FNDC8: variants seen among roughly 807,000 people sequenced by gnomAD.
The protein encoded by FNDC8 is fibronectin type III domain-containing protein 8.
A neutral mutation model predicts 24.8 loss-of-function variants in FNDC8; 23 were observed. The observed-to-expected ratio is 0.93, with a 90% CI of 0.67 to 1.31. FNDC8 has a LOEUF of 1.31. Among genes scored for constraint, FNDC8 ranks in the 40% most tolerant of loss-of-function variants. FNDC8 has a pLI of 0.00. For missense variants in FNDC8, 371 were observed against 398.2 expected (o/e 0.93, Z 0.58); for synonymous variants, 158 against 165.3 (o/e 0.96, Z 0.34).
At chr17:35,126,120 C>T (rs2091848335) in intron 1 of FNDC8, among the ~76,000 whole-genome samples, 1 of 152,120 alleles carries the variant, frequency 6.6e-6, no homozygotes, top group African/African-American at 2.4e-5. Flanking sequence ...CAAGGTTTCG[C>T]TATGTTGGCC....
chr17:35,129,572 A>C lies in FNDC8; in HGVS notation c.736A>C (p.Met246Leu), dbSNP rs918069635. Residue 246 changes from methionine to leucine, a missense_variant, in exon 3 of 4, where the codon ATG (methionine) becomes CTG (leucine). Transcript: ENST00000158009. ...NKILGTTVKLMELKPNTCYCL... is the reference protein window; with the variant it reads ...NKILGTTVKLLELKPNTCYCL... ...GATTTTGGGCACTACTGTCAAGCTG[A>C]TGGAGCTAAAGCCTAACACGTGTTA... 3 of 1,614,080 alleles carry C rather than the reference A, an allele frequency of 1.9e-6. No individual in the cohort carries two copies. Among genetic ancestry groups the C allele is most frequent in the Non-Finnish European group, 8.5e-7 (1 of 1,180,036 alleles).
chr17:35,127,159 C>T lies in FNDC8; in HGVS notation c.327C>T (p.Phe109=). The T allele has an allele frequency of 6.2e-7, 1 of 1,614,222 alleles. No individual in the cohort carries two copies. The highest frequency in any genetic ancestry group is 1.3e-5 in the African/African-American group (1 of 75,054). Residue 109 remains phenylalanine, a synonymous_variant, in exon 2 of 4, where the codon TTC becomes TTT. Transcript: ENST00000158009. ...KLAVTQPNSS[F]FAGMLEGELN... ...CTGTGACCCAGCCCAACAGCAGCTT[C>T]TTTGCAGGGATGCTGGAGGGGGAGC...
chr17:35,124,182 T>C (rs967611213), intron 1 of FNDC8, among the ~76,000 whole-genome samples: 1 of 152,140 alleles, frequency 6.6e-6, no homozygotes, highest in African/African-American at 2.4e-5. Context: ...AAACTGTGGA[T>C]TGTGACCTAT....
chr17:35,126,534 A>C (rs1597883296), intron 1 of FNDC8, among the ~76,000 whole-genome samples: 1 of 122,092 alleles, frequency 8.2e-6, no homozygotes, highest in African/African-American at 3.2e-5. Context: ...ATAGAGTTTC[A>C]CTCTGTCACC....
intron 3 of FNDC8, chr17:35,129,873 A>G: frequency 7.1e-7 from 1 of 1,416,060 alleles, no homozygotes; most frequent in Non-Finnish European, 9.2e-7. Context: ...AAACGAATGT[A>G]TTTTTCAACA....
chr17:35,121,919 G>T lies in FNDC8; in HGVS notation c.209+17G>T. On this transcript the variant is annotated intron_variant, in intron 1 of 3. Coordinates refer to ENST00000158009, the MANE Select transcript of FNDC8 (RefSeq NM_017559.4). ...CAACCTACTGTAAGTCACAAATCTG[G>T]TCCCTCCCTCCCTCCCTCCCTCCCT... 1 of 1,578,630 alleles carries T rather than the reference G, an allele frequency of 6.3e-7. No homozygotes were observed. Among genetic ancestry groups the T allele is most frequent in the African/African-American group, 1.4e-5 (1 of 71,350 alleles).
In FNDC8 at chr17:35,130,479, CCCAGGCCCTCAGAAA is replaced by C. The variant is rs1327841049; in HGVS notation, c.*50_*64del. On this transcript the variant is annotated 3_prime_UTR_variant, in exon 4 of 4. Transcript: ENST00000158009. ...CCCCTCACCTACTTTCAGCTTCAACCCCAGGCCCTCAGAAACCAGAGCCATGAGACCTACCATACC... is the reference window on the plus strand; with the variant it reads ...CCCCTCACCTACTTTCAGCTTCAACCCCAGAGCCATGAGACCTACCATACC... 3 of 1,585,448 alleles carry C rather than the reference CCCAGGCCCTCAGAAA, an allele frequency of 1.9e-6. No homozygotes were observed. The highest frequency in any genetic ancestry group is 2.6e-6 in the Non-Finnish European group (3 of 1,163,630).
chr17:35,124,127 T>C (rs1190584456), intron 1 of FNDC8, among the ~76,000 whole-genome samples: 1 of 152,114 alleles, frequency 6.6e-6, no homozygotes, highest in East Asian at 1.9e-4. Context: ...CTTGGCCCGT[T>C]CATCAACCAA....
intron 2 of FNDC8, chr17:35,128,762 G>T (rs2091859538): frequency 6.5e-6 from 1 of 154,526 alleles, no homozygotes; most frequent in Non-Finnish European, 1.4e-5. Flanking sequence ...TACATTTATT[G>T]TGTACTTTAT....
chr17:35,122,276 A>G (rs2091832935), intron 1 of FNDC8, among the ~76,000 whole-genome samples: 1 of 139,476 alleles, frequency 7.2e-6, no homozygotes, highest in Admixed American at 7.5e-5. Flanking sequence ...TTCCGGGCTC[A>G]AGCGATCCTC....
rs950287177 is a variant in FNDC8 at position 35,121,621 on chromosome 17, C to T, written c.-73C>T. 87 of 1,443,598 alleles carry T rather than the reference C, an allele frequency of 6.0e-5. No homozygotes were observed. In the East Asian group the frequency reaches 1.9e-3, roughly 31 times the overall value. The allele number at this position is 1,443,598 out of a possible 1,614,324, so 89.4% of individuals were successfully genotyped here. On this transcript the variant is annotated 5_prime_UTR_variant, in exon 1 of 4. Transcript: ENST00000158009. ...TCCAAACTAAAGGTGGGCCACTGCC[C>T]CCACAGTTTCTCTCTGCTTCTGGTC...
intron 1 of FNDC8, among the ~76,000 whole-genome samples, chr17:35,126,751 C>T (rs892331931): frequency 8.5e-5 from 13 of 152,136 alleles, no homozygotes; most frequent in Middle Eastern, 3.4e-3. Context: ...CTGCCTGCCT[C>T]GGCCTCCCAA....
At chr17:35,130,206 G>C in intron 3 of FNDC8, 76 bp from the exon 4 acceptor site, 1 of 1,544,766 alleles carries the variant, frequency 6.5e-7, no homozygotes, top group East Asian at 2.3e-5. Flanking sequence ...AGAAAAAAAA[G>C]GGGTGATAGA....
Position 35,127,054 on chromosome 17 carries a change from A to C in FNDC8, c.222A>C (p.Pro74=). 6.3e-7 allele frequency: 1 copy of C among 1,586,812 alleles called. No homozygotes were observed. The highest frequency in any genetic ancestry group is 8.6e-7 in the Non-Finnish European group (1 of 1,161,834). The change falls in exon 2 of 4, where the codon CCA becomes CCC. Residue 74 remains proline (P), a synonymous_variant. Transcript: ENST00000158009. ...CCTTTTGCTCCAGGAAGCCGCTGCC[A>C]GTAGAGGATTCAGACTGCAGCTCTG... The part of the protein sequence containing the change: ...DDTINLLKPL[P]VEDSDCSSDE...
intron 1 of FNDC8, among the ~76,000 whole-genome samples, chr17:35,125,056 AAAAAAAG>A (rs1350908217): frequency 1.4e-4 from 21 of 150,702 alleles, no homozygotes; most frequent in Middle Eastern, 3.4e-3. Flanking sequence ...TCAAAAAAAA[AAAAAAAG>A]AAAAAAGAGT....
intron 2 of FNDC8, 49 bp from the exon 3 acceptor site, chr17:35,129,373 G>A (rs376131937): frequency 1.1e-4 from 178 of 1,589,052 alleles, no homozygotes; most frequent in Admixed American, 1.9e-4. Context: ...GAAGGGACAG[G>A]AAGGACAGGA....
intron 2 of FNDC8, 122 bp from the exon 3 acceptor site, chr17:35,129,300 C>T: frequency 7.6e-7 from 1 of 1,314,382 alleles, no homozygotes; most frequent in Non-Finnish European, 1.1e-6. Context: ...TCCATCTGAC[C>T]TGCCTGGGCC....
rs1360394763 is a variant in FNDC8 at position 35,130,454 on chromosome 17, C to A, written c.*20C>A. 6.2e-7 allele frequency: 1 copy of A among 1,608,598 alleles called. No individual in the cohort carries two copies. On this transcript the variant is annotated 3_prime_UTR_variant, in exon 4 of 4. Coordinates refer to ENST00000158009, the MANE Select transcript of FNDC8 (RefSeq NM_017559.4). ...TGTTAAGGGGGAGGGCCCCAGGACA[C>A]CCCTCACCTACTTTCAGCTTCAACC...
At chr17:35,122,180 A>G (rs1197285194) in intron 1 of FNDC8, among the ~76,000 whole-genome samples, 1 of 26,610 alleles carries the variant, frequency 3.8e-5, no homozygotes, top group Non-Finnish European at 6.4e-5. Context: ...ATATATATAT[A>G]TATATATATA....
Sources: gnomAD v4.1 joint callset for allele counts (sites outside exome capture counted in the v4.1 genomes callset) on GRCh38, gnomAD v4.1.1 for gene constraint, MANE v1.5 for transcripts, NCBI Gene and HGNC (gene_info 2026-07-23, HGNC 2026-07-21) for gene names.